Variants in DPP10 observed in about 807,000 individuals in gnomAD.
DPP10 encodes dipeptidyl peptidase like 10.
DPP10 carries 33 observed loss-of-function variants against 120.9 expected under a neutral mutation model. The ratio of observed to expected loss-of-function variants is 0.27; its 90% CI spans 0.21 to 0.37. The LOEUF is 0.37. Ranked by LOEUF, DPP10 falls within the 10% of genes least tolerant of loss-of-function variation. The pLI is 1.00. For synonymous variants in DPP10, 337 were observed against 326.1 expected (o/e 1.03, Z -0.36); for missense variants, 816 against 942.8 (o/e 0.87, Z 1.76).
chr2:115,562,849 A>T (rs1234378888), intron 5 of DPP10, among the ~76,000 whole-genome samples: 2 of 152,200 alleles, frequency 1.3e-5, no homozygotes, highest in Non-Finnish European at 2.9e-5. Context: ...CTCCATAGCC[A>T]AGGAAGTTCC....
intron 1 of DPP10, among the ~76,000 whole-genome samples, chr2:114,501,212 T>C (rs990832582): frequency 2.5e-4 from 38 of 152,036 alleles, no homozygotes; most frequent in Non-Finnish European, 5.9e-5. Flanking sequence ...TTACCTCCAT[T>C]TGTCTCAGCT....
At chr2:115,788,017 A>G (rs967765000) in intron 17 of DPP10, among the ~76,000 whole-genome samples, 5 of 152,170 alleles carry the variant, frequency 3.3e-5, no homozygotes, top group Admixed American at 6.5e-5. Flanking sequence ...AAAAATGAAG[A>G]CAAAAAGAAA....
At chr2:115,118,044 T>C (rs754758587) in intron 1 of DPP10, among the ~76,000 whole-genome samples, 1 of 152,212 alleles carries the variant, frequency 6.6e-6, no homozygotes, top group Non-Finnish European at 1.5e-5. Flanking sequence ...AAGAAAAATC[T>C]TTTTCACCAA....
At chr2:114,782,355 T>A (rs1165031570) in intron 1 of DPP10, among the ~76,000 whole-genome samples, 1 of 151,846 alleles carries the variant, frequency 6.6e-6, no homozygotes, top group African/African-American at 2.4e-5. Context: ...ATGGAATATA[T>A]ATACACATAT....
intron 1 of DPP10, chr2:115,161,776 A>G: frequency 1.9e-6 from 1 of 534,480 alleles, no homozygotes; most frequent in Non-Finnish European, 3.0e-6. Context: ...GAGGGACCCT[A>G]CGACGGGGAG....
intron 1 of DPP10, among the ~76,000 whole-genome samples, chr2:114,569,675 G>A (rs1689468753): frequency 6.6e-6 from 1 of 152,140 alleles, no homozygotes; most frequent in Non-Finnish European, 1.5e-5. Context: ...TTTTTAAGCT[G>A]CGTAATGAGG....
At chr2:115,595,162 C>G (rs557122504) in intron 5 of DPP10, among the ~76,000 whole-genome samples, 46 of 152,088 alleles carry the variant, frequency 3.0e-4, no homozygotes, top group African/African-American at 9.9e-4. Context: ...AAAGCAAAAA[C>G]ATTTATGCTT....
intron 21 of DPP10, among the ~76,000 whole-genome samples, chr2:115,819,969 G>A (rs1275690921): frequency 2.0e-5 from 3 of 152,166 alleles, no homozygotes; most frequent in African/African-American, 7.2e-5. Flanking sequence ...ACTCCAGCCT[G>A]GGCAACAAGA....
At chr2:115,257,494 T>G (rs2059055418) in intron 1 of DPP10, among the ~76,000 whole-genome samples, 1 of 151,290 alleles carries the variant, frequency 6.6e-6, no homozygotes, top group Non-Finnish European at 1.5e-5. Context: ...AAAGAGGGAG[T>G]GAGGGAGGTG....
At chr2:114,490,785 TG>T (rs1354345158) in intron 1 of DPP10, among the ~76,000 whole-genome samples, 1 of 144,330 alleles carries the variant, frequency 6.9e-6, no homozygotes, top group Non-Finnish European at 1.5e-5. Flanking sequence ...GATGTATATA[TG>T]GGGGCGGGGG....
At chr2:115,357,985 A>C (rs899354131) in intron 3 of DPP10, among the ~76,000 whole-genome samples, 1 of 151,954 alleles carries the variant, frequency 6.6e-6, no homozygotes, top group Admixed American at 6.6e-5. Flanking sequence ...GGGGCCTTGG[A>C]CCCGACCCAG....
intron 5 of DPP10, among the ~76,000 whole-genome samples, chr2:115,571,885 A>G (rs914151995): frequency 6.6e-6 from 1 of 151,908 alleles, no homozygotes; most frequent in Non-Finnish European, 1.5e-5. Flanking sequence ...AAGTAAAATT[A>G]TGCAGTCCTG....
intron 1 of DPP10, among the ~76,000 whole-genome samples, chr2:114,894,873 G>C (rs1181966542): frequency 6.6e-6 from 1 of 151,956 alleles, no homozygotes; most frequent in Non-Finnish European, 1.5e-5. Context: ...ATAAAAGATG[G>C]GAAAGGACAT....
At chr2:115,676,111 C>G (rs536906982) in intron 5 of DPP10, among the ~76,000 whole-genome samples, 1 of 152,306 alleles carries the variant, frequency 6.6e-6, no homozygotes, top group South Asian at 2.1e-4. Context: ...ACACCACAAC[C>G]AGCAATTACA....
chr2:114,649,498 G>A (rs1395059774), intron 1 of DPP10, among the ~76,000 whole-genome samples: 4 of 151,772 alleles, frequency 2.6e-5, no homozygotes, highest in South Asian at 2.1e-4. Context: ...ACAGGCACCC[G>A]CCACCATGCC....
At chr2:115,530,753 G>A (rs1054266608) in intron 5 of DPP10, among the ~76,000 whole-genome samples, 11 of 152,066 alleles carry the variant, frequency 7.2e-5, no homozygotes, top group Non-Finnish European at 1.5e-4. Flanking sequence ...CTTGGCTATG[G>A]CATTAGAATC....
At chr2:114,740,807 G>A (rs1677975214) in intron 1 of DPP10, among the ~76,000 whole-genome samples, 1 of 152,146 alleles carries the variant, frequency 6.6e-6, no homozygotes, top group African/African-American at 2.4e-5. Context: ...CAAAAGTTTG[G>A]TCCTATTTCA....
In DPP10 at chr2:114,934,451, G is replaced by A. The variant is rs144735668; in HGVS notation, c.61-374788G>A. ...TATTCTTACTACACATTAAGTGGGA[G>A]TGAAACATCATAAAGGTCTTCATCC... On this transcript the variant is annotated intron_variant, in intron 1 of 25. Coordinates refer to ENST00000410059, the MANE Select transcript of DPP10 (RefSeq NM_020868.6). Among the ~76,000 whole-genome samples, 220 of 152,254 alleles carry A rather than the reference G, an allele frequency of 1.4e-3. 6 individuals carry two copies. Among genetic ancestry groups the A allele is most frequent in the African/African-American group, 5.1e-3 (212 of 41,556 alleles).
chr2:115,680,821 T>C (rs1025409647), intron 5 of DPP10, among the ~76,000 whole-genome samples: 3 of 151,882 alleles, frequency 2.0e-5, no homozygotes, highest in African/African-American at 7.2e-5. Context: ...AGTTATAATC[T>C]GTCATATAAA....
Sources: allele counts gnomAD v4.1 joint callset (sites outside exome capture counted in the v4.1 genomes callset), GRCh38; gene constraint gnomAD v4.1.1; transcripts MANE v1.5; gene names NCBI Gene and HGNC (gene_info 2026-07-23, HGNC 2026-07-21).